GABPB2: variants seen among roughly 807,000 people sequenced by gnomAD.
The protein encoded by GABPB2 is GA binding protein transcription factor subunit beta 2.
A neutral mutation model predicts 39.1 loss-of-function variants in GABPB2; 23 were observed. The observed-to-expected ratio is 0.59, with a 90% CI of 0.42 to 0.83. The LOEUF is 0.83. Among genes scored for constraint, GABPB2 ranks in the 40% least tolerant of loss-of-function variants. The pLI, the probability that GABPB2 is intolerant of heterozygous loss-of-function variation, is 0.00. For synonymous variants in GABPB2, 184 were observed against 199.3 expected, an observed-to-expected ratio of 0.92 and a Z score of 0.65; for missense variants, 467 against 541.1, an observed-to-expected ratio of 0.86 and a Z score of 1.36.
intron 5 of GABPB2, among the ~76,000 whole-genome samples, chr1:151,099,447 C>T (rs905139815): frequency 1.6e-4 from 24 of 152,144 alleles, no homozygotes; most frequent in African/African-American, 3.9e-4. Context: ...CTACCCGCCT[C>T]GGCCTCCCAA....
intron 1 of GABPB2, among the ~76,000 whole-genome samples, chr1:151,084,212 GT>G (rs916381069): frequency 6.7e-5 from 10 of 149,756 alleles, no homozygotes; most frequent in East Asian, 3.9e-4. Context: ...GTGCCCAGCT[GT>G]TTTTTTTTGT....
rs115577008 is a variant in GABPB2, at chr1:151,122,474, T to C, written c.*4218T>C. On this transcript the variant is annotated 3_prime_UTR_variant, in exon 9 of 9. Transcript: ENST00000368918. Reference sequence around the variant, plus strand: ...GGATTTCGGAGCCTTACTTTAACGATAGAGGAACCAAGTATCATTTTAGAT... The same window carrying C: ...GGATTTCGGAGCCTTACTTTAACGACAGAGGAACCAAGTATCATTTTAGAT... The C allele has an allele frequency of 9.7e-4, 148 of 152,270 alleles. No individual in the cohort carries two copies. Among genetic ancestry groups the C allele is most frequent in the African/African-American group, 3.3e-3 (136 of 41,560 alleles). The allele number at this position is 152,270 out of a possible 1,614,324, so 9.4% of individuals were successfully genotyped here.
At chr1:151,098,795 T>A (rs779077609) in intron 5 of GABPB2, among the ~76,000 whole-genome samples, 7 of 151,806 alleles carry the variant, frequency 4.6e-5, no homozygotes, top group Non-Finnish European at 1.0e-4. Context: ...GAAACCTGTA[T>A]GTTTTTGACT....
At chr1:151,086,635 G>A (rs970636888) in intron 1 of GABPB2, among the ~76,000 whole-genome samples, 8 of 151,724 alleles carry the variant, frequency 5.3e-5, no homozygotes, top group African/African-American at 1.2e-4. Context: ...CTGGCCTAAC[G>A]AGATCAGTGT....
chr1:151,072,362 A>G (rs1166787504), intron 1 of GABPB2, among the ~76,000 whole-genome samples: 1 of 150,130 alleles, frequency 6.7e-6, no homozygotes, highest in Non-Finnish European at 1.5e-5. Context: ...GCCTGGGCGA[A>G]ATAGGGAGAC....
Position 151,122,410 on chromosome 1 carries a change from C to T in GABPB2, c.*4154C>T, listed in dbSNP as rs1214734184. On this transcript the variant is annotated 3_prime_UTR_variant, in exon 9 of 9. Coordinates refer to ENST00000368918, the MANE Select transcript of GABPB2 (RefSeq NM_144618.3). Reference sequence around the variant, plus strand: ...CAATGTTTTTATTTTTTCTGAGTCCCTTTGGGAACCAGGTGCTAACAAGAA... The same window carrying T: ...CAATGTTTTTATTTTTTCTGAGTCCTTTTGGGAACCAGGTGCTAACAAGAA... 1.3e-5 allele frequency: 2 copies of T among 152,044 alleles called. No individual in the cohort carries two copies. The highest frequency in any genetic ancestry group is 3.8e-4 in the East Asian group (2 of 5,196). 9.4% of individuals were successfully genotyped at this position (152,044 alleles called of 1,614,324 possible). A position where few individuals can be genotyped will look rare whatever the true frequency, so the allele number is the denominator to read the frequency against.
rs1679209492 is a variant in GABPB2 at position 151,097,804 on chromosome 1, GA to G, written c.472-44del. On this transcript the variant is annotated intron_variant, in intron 4 of 8. Transcript: ENST00000368918. Reference sequence around the variant, plus strand: ...AAAAAAAAAAAAGAAAGACAGAAAAGAAAAGCTAATAAGTGTTCTGATTGAA... The same window carrying G: ...AAAAAAAAAAAAGAAAGACAGAAAAGAAAGCTAATAAGTGTTCTGATTGAA... 3.3e-6 allele frequency: 5 copies of G among 1,516,600 alleles called. No homozygotes were observed. In the African/African-American group the frequency reaches 5.6e-5, roughly 17 times the overall value. 93.9% of individuals were successfully genotyped at this position (1,516,600 alleles called of 1,614,324 possible).
At chr1:151,108,181 T>C (rs750917493) in intron 7 of GABPB2, among the ~76,000 whole-genome samples, 1 of 152,050 alleles carries the variant, frequency 6.6e-6, no homozygotes, top group Non-Finnish European at 1.5e-5. Flanking sequence ...TGTTTGCTTG[T>C]TTGTTTGAGA....
intron 1 of GABPB2, among the ~76,000 whole-genome samples, chr1:151,082,891 G>C (rs191861366): frequency 6.6e-6 from 1 of 151,606 alleles, no homozygotes; most frequent in Admixed American, 6.6e-5. Context: ...ACGGAGGATT[G>C]CTTGAGCCCA....
chr1:151,088,160 A>G (rs746833046), intron 1 of GABPB2, 30 bp from the exon 2 acceptor site: 8 of 1,502,300 alleles, frequency 5.3e-6, no homozygotes, highest in Non-Finnish European at 2.8e-6. Flanking sequence ...AGTTATAGCT[A>G]CCTGAAAACT....
chr1:151,103,462 A>C, intron 5 of GABPB2, 100 bp from the exon 6 acceptor site: 2 of 721,726 alleles, frequency 2.8e-6, no homozygotes, highest in Non-Finnish European at 4.9e-6. Context: ...GATTGAGGAC[A>C]TTAGAAGGAA....
chr1:151,088,067 A>G, intron 1 of GABPB2, 123 bp from the exon 2 acceptor site: 1 of 647,520 alleles, frequency 1.5e-6, no homozygotes, highest in Non-Finnish European at 2.7e-6. Context: ...GACCTACCAG[A>G]CAGTCAACTT....
rs61358666 is a variant in GABPB2 at position 151,118,803 on chromosome 1, CT to C, written c.*564del. On this transcript the variant is annotated 3_prime_UTR_variant, in exon 9 of 9. Transcript: ENST00000368918. ...TTAATTTCACTGAAGAGAATTTTCC[CT>C]TTTTTTTTTTTTTTTTGAGACACGG... 8,094 of 142,314 alleles carry C rather than the reference CT, an allele frequency of 0.057. 218 individuals are homozygous for C. The highest frequency in any genetic ancestry group is 0.077 in the Non-Finnish European group (5,040 of 65,074). 8.8% of individuals were successfully genotyped at this position (142,314 alleles called of 1,614,324 possible).
chr1:151,111,000 C>G (rs894044273), intron 7 of GABPB2, among the ~76,000 whole-genome samples: 3 of 152,020 alleles, frequency 2.0e-5, no homozygotes, highest in African/African-American at 7.2e-5. Flanking sequence ...AAATTTTTGT[C>G]CAGACATGGT....
At chr1:151,089,002 G>A (rs374805865) in intron 2 of GABPB2, among the ~76,000 whole-genome samples, 1 of 146,800 alleles carries the variant, frequency 6.8e-6, no homozygotes, top group Non-Finnish European at 1.5e-5. Flanking sequence ...AAAAAAAAAA[G>A]AAGTCATCTA....
At chr1:151,082,107 C>T (rs1422922666) in intron 1 of GABPB2, among the ~76,000 whole-genome samples, 3 of 139,000 alleles carry the variant, frequency 2.2e-5, no homozygotes, top group Non-Finnish European at 4.6e-5. Context: ...GATGGAGTCT[C>T]ACCCTGTTGC....
rs1681215937 is a variant in GABPB2, at chr1:151,122,423, G to A, written c.*4167G>A. The A allele has an allele frequency of 6.6e-6, 1 of 152,040 alleles. No individual in the cohort carries two copies. Among genetic ancestry groups the A allele is most frequent in the Non-Finnish European group, 1.5e-5 (1 of 68,034 alleles). 9.4% of individuals were successfully genotyped at this position (152,040 alleles called of 1,614,324 possible). On this transcript the variant is annotated 3_prime_UTR_variant, in exon 9 of 9. Coordinates refer to ENST00000368918, the MANE Select transcript of GABPB2 (RefSeq NM_144618.3). Reference sequence around the variant, plus strand: ...TTTTCTGAGTCCCTTTGGGAACCAGGTGCTAACAAGAAGCTGTTATGTGTG... The same window carrying A: ...TTTTCTGAGTCCCTTTGGGAACCAGATGCTAACAAGAAGCTGTTATGTGTG...
At chr1:151,111,186 G>A (rs918445828) in intron 7 of GABPB2, among the ~76,000 whole-genome samples, 4 of 151,822 alleles carry the variant, frequency 2.6e-5, no homozygotes, top group Non-Finnish European at 4.4e-5. Flanking sequence ...CATGACTTAC[G>A]GCAGTCTTGA....
intron 3 of GABPB2, among the ~76,000 whole-genome samples, chr1:151,092,138 T>C (rs375414403): frequency 3.7e-5 from 5 of 133,926 alleles, no homozygotes; most frequent in African/African-American, 5.6e-5. Context: ...GATGGAGTCT[T>C]GCTCTGTCGC....
Sources: allele counts gnomAD v4.1 joint callset (sites outside exome capture counted in the v4.1 genomes callset), GRCh38; gene constraint gnomAD v4.1.1; transcripts MANE v1.5; gene names NCBI Gene and HGNC (gene_info 2026-07-23, HGNC 2026-07-21).